The following PCDH7 variants were observed in gnomAD, a reference collection of about 807,000 sequenced individuals.
PCDH7 encodes the protein protocadherin-7.
Under a neutral mutation model 58.9 loss-of-function variants are expected in PCDH7, and 17 were observed. The ratio of observed to expected loss-of-function variants is 0.29; its 90% CI spans 0.20 to 0.43. PCDH7 has a LOEUF of 0.43. PCDH7 is among the 20% of genes least tolerant of loss of function. The pLI is 1.00. For missense variants in PCDH7, 1,274 were observed against 1,441.0 expected (o/e 0.88, Z 1.88); for synonymous variants, 664 against 616.4 (o/e 1.08, Z -1.14).
chr4:30,929,157 T>C (rs13101341), intron 2 of PCDH7, among the ~76,000 whole-genome samples: 29,823 of 152,140 alleles, frequency 0.2, 3,676 homozygotes, highest in East Asian at 0.29. Context: ...AGACCAGTTG[T>C]ATTACTCAAA....
At chr4:31,008,508 T>A (rs1362160493) in intron 3 of PCDH7, among the ~76,000 whole-genome samples, 1 of 152,214 alleles carries the variant, frequency 6.6e-6, no homozygotes, top group Non-Finnish European at 1.5e-5. Context: ...TTAGATTTTC[T>A]GGGCAATATG....
At chr4:31,055,582 T>G (rs1029756822) in intron 3 of PCDH7, among the ~76,000 whole-genome samples, 1 of 151,994 alleles carries the variant, frequency 6.6e-6, no homozygotes, top group Non-Finnish European at 1.5e-5. Flanking sequence ...TTTATTTTTT[T>G]GTTTTTTTGT....
At position 31,131,650 on chromosome 4, in the gene PCDH7, A is replaced by G. The variant is rs1186274230; in HGVS notation, c.*8-10823A>G. Among the ~76,000 whole-genome samples, 4 of 152,212 alleles carry G rather than the reference A, an allele frequency of 2.6e-5. No homozygotes were observed. The East Asian group carries it at 7.7e-4, about 29-fold the overall frequency. ...AATTTTGTCTTTCTCTCAAATCACA[A>G]TCACTAATGAAATTCTATTACAACA... is the stretch of plus-strand genomic sequence containing the variant. On this transcript the variant is annotated intron_variant, in intron 3 of 3. Coordinates refer to the PCDH7 transcript ENST00000509759.
intron 3 of PCDH7, among the ~76,000 whole-genome samples, chr4:31,136,863 C>T (rs1459704340): frequency 6.6e-6 from 1 of 152,002 alleles, no homozygotes; most frequent in South Asian, 2.1e-4. Context: ...TCTTTATTAA[C>T]TATGATAATA....
chr4:30,852,842 A>G (rs1578050187), intron 1 of PCDH7, among the ~76,000 whole-genome samples: 1 of 151,272 alleles, frequency 6.6e-6, no homozygotes, highest in Admixed American at 6.6e-5. Context: ...AAAAAAAAAA[A>G]AAAAAAAAAA....
intron 2 of PCDH7, among the ~76,000 whole-genome samples, chr4:30,933,617 C>G (rs1463237276): frequency 6.6e-6 from 1 of 152,088 alleles, no homozygotes; most frequent in Non-Finnish European, 1.5e-5. Context: ...CTTCATTTCT[C>G]TCCTTGCTTC....
At chr4:30,844,047 A>C (rs1251972322) in intron 1 of PCDH7, among the ~76,000 whole-genome samples, 1 of 152,206 alleles carries the variant, frequency 6.6e-6, no homozygotes, top group African/African-American at 2.4e-5. Flanking sequence ...TCTTGCTTCC[A>C]GCGTCCAGGG....
At chr4:31,066,975 C>A (rs1224298650) in intron 3 of PCDH7, among the ~76,000 whole-genome samples, 1 of 151,824 alleles carries the variant, frequency 6.6e-6, no homozygotes, top group Non-Finnish European at 1.5e-5. Flanking sequence ...AGTGGATGTA[C>A]CTGAGAACCA....
At chr4:30,814,336 T>G (rs1294756035) in intron 1 of PCDH7, among the ~76,000 whole-genome samples, 1 of 152,112 alleles carries the variant, frequency 6.6e-6, no homozygotes, top group African/African-American at 2.4e-5. Flanking sequence ...CAATTTTTTC[T>G]GCAGCTTTAA....
intron 3 of PCDH7, among the ~76,000 whole-genome samples, chr4:30,956,955 C>T (rs757626776): frequency 6.6e-6 from 1 of 152,134 alleles, no homozygotes; most frequent in African/African-American, 2.4e-5. Context: ...CCTGGAGGAA[C>T]GTGGAGGTCG....
chr4:31,011,008 T>G (rs1753142320), intron 3 of PCDH7, among the ~76,000 whole-genome samples: 1 of 151,956 alleles, frequency 6.6e-6, no homozygotes, highest in Admixed American at 6.6e-5. Context: ...TATATCACAA[T>G]AGCAGACTTC....
At chr4:30,802,788 G>T (rs1725692496) in intron 1 of PCDH7, among the ~76,000 whole-genome samples, 1 of 152,082 alleles carries the variant, frequency 6.6e-6, no homozygotes, top group African/African-American at 2.4e-5. Flanking sequence ...CAGCCAAGTA[G>T]GAATGAGTAA....
chr4:31,037,391 T>C (rs563671096), intron 3 of PCDH7, among the ~76,000 whole-genome samples: 206 of 152,332 alleles, frequency 1.4e-3, no homozygotes, highest in African/African-American at 4.3e-3. Context: ...ATTGCCATTA[T>C]TGATATTCAG....
chr4:30,927,573 TC>T (rs1744035072), intron 2 of PCDH7, among the ~76,000 whole-genome samples: 1 of 152,056 alleles, frequency 6.6e-6, no homozygotes, highest in Non-Finnish European at 1.5e-5. Flanking sequence ...CCCTGTGCTC[TC>T]TGAAACATGT....
rs75870000 is a variant in PCDH7, at chr4:31,105,075, T to C, written c.*8-37398T>C. 9.5e-4 allele frequency among the ~76,000 whole-genome samples: 144 copies of C among 152,322 alleles called. 1 individual carries two copies. In the East Asian group the frequency reaches 0.027, roughly 29 times the overall value. On this transcript the variant is annotated intron_variant, in intron 3 of 3. Coordinates refer to the PCDH7 transcript ENST00000509759. ...ACCCAAAGGATGGCGCCTACCTTCA[T>C]ATGTAAAGTAGAATGGGGAATAAAG... is the stretch of plus-strand genomic sequence containing the variant.
At chr4:30,857,045 C>T (rs1733555714) in intron 1 of PCDH7, among the ~76,000 whole-genome samples, 1 of 151,872 alleles carries the variant, frequency 6.6e-6, no homozygotes, top group Non-Finnish European at 1.5e-5. Context: ...TAATTAAATA[C>T]ATTCTGAAAT....
At chr4:30,748,610 A>G (rs1406582556) in intron 1 of PCDH7, among the ~76,000 whole-genome samples, 1 of 152,184 alleles carries the variant, frequency 6.6e-6, no homozygotes, top group Non-Finnish European at 1.5e-5. Flanking sequence ...AATCACTTCT[A>G]AAAGGCCCTA....
At chr4:30,817,219 C>G (rs1001238716) in intron 1 of PCDH7, among the ~76,000 whole-genome samples, 4 of 152,282 alleles carry the variant, frequency 2.6e-5, no homozygotes, top group East Asian at 1.9e-4. Flanking sequence ...AGCAGGTCAT[C>G]TCACTTTTTG....
Position 31,075,066 on chromosome 4 carries a change from C to CT in PCDH7, c.*8-67400dup, listed in dbSNP as rs1560624175. Among the ~76,000 whole-genome samples, 7 of 152,106 alleles carry CT rather than the reference C, an allele frequency of 4.6e-5. No individual in the cohort carries two copies. The South Asian group carries it at 1.2e-3, about 27-fold the overall frequency. On this transcript the variant is annotated intron_variant, in intron 3 of 3. Transcript: ENST00000509759. The stretch of plus-strand genomic sequence containing the variant: ...ATTACACGATTGTCTGGACCTCACC[C>CT]TTTTTTTACAAACAGAGACAAATGT...
Sources: gnomAD v4.1 joint callset for allele counts (sites outside exome capture counted in the v4.1 genomes callset) on GRCh38, gnomAD v4.1.1 for gene constraint, MANE v1.5 for transcripts, NCBI Gene and HGNC (gene_info 2026-07-23, HGNC 2026-07-21) for gene names.